Variants in SORCS1 observed in about 807,000 individuals in gnomAD.
SORCS1 encodes VPS10 domain-containing receptor SorCS1.
SORCS1 carries 60 observed loss-of-function variants against 146.1 expected under a neutral mutation model. The observed-to-expected ratio is 0.41, with a 90% CI of 0.33 to 0.51. The LOEUF (loss-of-function observed/expected upper bound fraction) is 0.51. SORCS1 is among the 20% of genes least tolerant of loss of function. The pLI is 0.21. For missense variants in SORCS1, 1,352 were observed against 1,487.6 expected, an observed-to-expected ratio of 0.91 and a Z score of 1.50; for synonymous variants, 637 against 584.0, an observed-to-expected ratio of 1.09 and a Z score of -1.31.
intron 3 of SORCS1, among the ~76,000 whole-genome samples, chr10:106,793,640 C>A (rs958175007): frequency 6.6e-6 from 1 of 152,004 alleles, no homozygotes; most frequent in Admixed American, 6.6e-5. Flanking sequence ...CAGAAACACA[C>A]AATAACAGCG....
intron 3 of SORCS1, among the ~76,000 whole-genome samples, chr10:106,828,167 A>C (rs1231007144): frequency 6.6e-6 from 1 of 152,184 alleles, no homozygotes; most frequent in Non-Finnish European, 1.5e-5. Context: ...TAAGTAAATC[A>C]CCATGCTTAT....
At chr10:106,979,168 A>G (rs1211232469) in intron 1 of SORCS1, among the ~76,000 whole-genome samples, 3 of 152,206 alleles carry the variant, frequency 2.0e-5, no homozygotes, top group Non-Finnish European at 2.9e-5. Flanking sequence ...ACTTTATAGG[A>G]AAAGGTAAGA....
chr10:107,035,906 T>C (rs1958886675), intron 1 of SORCS1, among the ~76,000 whole-genome samples: 1 of 149,006 alleles, frequency 6.7e-6, no homozygotes, highest in Admixed American at 6.7e-5. Flanking sequence ...TTACAAACAA[T>C]ATATAAAAAT....
At chr10:106,665,097 A>C (rs1851029964) in intron 17 of SORCS1, among the ~76,000 whole-genome samples, 1 of 152,194 alleles carries the variant, frequency 6.6e-6, no homozygotes, top group Non-Finnish European at 1.5e-5. Context: ...AGGTTCTAGG[A>C]ATCCCTAACA....
chr10:106,733,182 G>C (rs1451246581), intron 5 of SORCS1, among the ~76,000 whole-genome samples: 1 of 151,488 alleles, frequency 6.6e-6, no homozygotes, highest in Non-Finnish European at 1.5e-5. Flanking sequence ...AGAGTTCTCT[G>C]TTCTCCCCAA....
intron 2 of SORCS1, among the ~76,000 whole-genome samples, chr10:106,949,103 G>C (rs1954533129): frequency 1.3e-5 from 2 of 152,190 alleles, no homozygotes; most frequent in Non-Finnish European, 2.9e-5. Context: ...GATCCTGCCT[G>C]AACGCTTGAC....
intron 1 of SORCS1, among the ~76,000 whole-genome samples, chr10:107,011,028 G>T (rs1014146982): frequency 6.6e-6 from 1 of 152,140 alleles, no homozygotes; most frequent in African/African-American, 2.4e-5. Flanking sequence ...GACGGATGAA[G>T]GCAATTCCCA....
intron 17 of SORCS1, among the ~76,000 whole-genome samples, chr10:106,661,389 C>T (rs1202112820): frequency 2.6e-5 from 4 of 152,246 alleles, no homozygotes; most frequent in Non-Finnish European, 4.4e-5. Context: ...CTTTATGAGC[C>T]GCATAGGTTA....
chr10:107,111,673 C>A (rs1965709178), intron 1 of SORCS1, among the ~76,000 whole-genome samples: 1 of 152,098 alleles, frequency 6.6e-6, no homozygotes, highest in South Asian at 2.1e-4. Context: ...GAAACACTTG[C>A]TGAAAACTAT....
At chr10:107,110,058 C>G (rs1965589085) in intron 1 of SORCS1, among the ~76,000 whole-genome samples, 1 of 152,190 alleles carries the variant, frequency 6.6e-6, no homozygotes, top group Non-Finnish European at 1.5e-5. Flanking sequence ...TAATTTCCAT[C>G]TGAAACCTCG....
chr10:107,081,730 T>C (rs1482603456), intron 1 of SORCS1, among the ~76,000 whole-genome samples: 3 of 151,960 alleles, frequency 2.0e-5, no homozygotes, highest in Admixed American at 2.0e-4. Flanking sequence ...AATAAGGAAG[T>C]AACTGCATGA....
At chr10:106,754,430 C>A (rs2136206517) in intron 5 of SORCS1, among the ~76,000 whole-genome samples, 2 of 152,222 alleles carry the variant, frequency 1.3e-5, no homozygotes, top group South Asian at 4.1e-4. Context: ...GACCCATAAG[C>A]CAATATCTCT....
At chr10:107,075,624 T>C (rs955207765) in intron 1 of SORCS1, among the ~76,000 whole-genome samples, 1 of 152,142 alleles carries the variant, frequency 6.6e-6, no homozygotes, top group Admixed American at 6.5e-5. Context: ...CATATGCTTC[T>C]AAAGTTACAC....
At position 107,046,050 on chromosome 10, in the gene SORCS1, G is replaced by A. The variant is rs923090881; in HGVS notation, c.559-89470C>T. Reference sequence around the variant, plus strand: ...CAACTTCTGCCTCCCGGGTTCAAGCGATCCTCCTGCCTCAGCCTCCTGAGT... The same window carrying A: ...CAACTTCTGCCTCCCGGGTTCAAGCAATCCTCCTGCCTCAGCCTCCTGAGT... On this transcript the variant is annotated intron_variant, in intron 1 of 25. Coordinates refer to ENST00000263054, the MANE Select transcript of SORCS1 (RefSeq NM_052918.5). Among the ~76,000 whole-genome samples, 5 of 151,932 alleles carry A rather than the reference G, an allele frequency of 3.3e-5. No individual in the cohort carries two copies. In the East Asian group the frequency reaches 5.8e-4, roughly 18 times the overall value.
rs868729013 is a variant in SORCS1, at chr10:106,871,739, T to A, written c.627-42066A>T. Among the ~76,000 whole-genome samples, 4 of 152,134 alleles carry A rather than the reference T, an allele frequency of 2.6e-5. No individual in the cohort carries two copies. In the East Asian group the frequency reaches 7.7e-4, roughly 29 times the overall value. On this transcript the variant is annotated intron_variant, in intron 2 of 25. Transcript: ENST00000263054. ...GGGAATAATAGATTCTGGGGTGTAA[T>A]TGAAGGTGGAGTGGGGGATGAGGGA...
intron 23 of SORCS1, 55 bp downstream of exon 23, chr10:106,607,111 T>A: frequency 6.3e-7 from 1 of 1,594,248 alleles, no homozygotes; most frequent in South Asian, 1.1e-5. Flanking sequence ...CTTAGAAAGT[T>A]GAAGACTCCA....
intron 9 of SORCS1, among the ~76,000 whole-genome samples, chr10:106,693,306 T>C (rs1853439916): frequency 1.3e-5 from 2 of 152,218 alleles, no homozygotes; most frequent in Admixed American, 6.5e-5. Context: ...AATTCAGATG[T>C]GGCTAATCAC....
At chr10:107,173,926 C>T in the SORCS1 span, among the ~76,000 whole-genome samples, 1 of 152,174 alleles carries the variant, frequency 6.6e-6, no homozygotes, top group Non-Finnish European at 1.5e-5. Context: ...TAACAAAGCA[C>T]TTCTTAATTA....
intron 6 of SORCS1, among the ~76,000 whole-genome samples, chr10:106,722,081 G>T (rs1192525741): frequency 6.8e-6 from 1 of 146,732 alleles, no homozygotes; most frequent in Non-Finnish European, 1.5e-5. Context: ...ATCTGTATAA[G>T]CCTAAACAAT....
Sources: gnomAD v4.1 joint callset for allele counts (sites outside exome capture counted in the v4.1 genomes callset) on GRCh38, gnomAD v4.1.1 for gene constraint, MANE v1.5 for transcripts, NCBI Gene and HGNC (gene_info 2026-07-23, HGNC 2026-07-21) for gene names.